ADIPOR2: variants seen among roughly 807,000 people sequenced by gnomAD.
ADIPOR2 encodes adiponectin receptor protein 2.
Under a neutral mutation model 40.9 loss-of-function variants are expected in ADIPOR2, and 18 were observed. The observed-to-expected ratio is 0.44, with a 90% CI of 0.30 to 0.65. The LOEUF is 0.65. Among genes scored for constraint, ADIPOR2 ranks in the 30% least tolerant of loss-of-function variants. ADIPOR2 has a pLI of 0.09. For synonymous variants in ADIPOR2, 165 were observed against 166.4 expected (o/e 0.99, Z 0.06); for missense variants, 283 against 479.2 (o/e 0.59, Z 3.82).
chr12:1,745,097 G>A (rs943919098), intron 1 of ADIPOR2, among the ~76,000 whole-genome samples: 2 of 152,144 alleles, frequency 1.3e-5, no homozygotes, highest in Non-Finnish European at 2.9e-5. Context: ...CATTTGAGAG[G>A]AATGAGCAGG....
At chr12:1,715,361 A>G (rs541603459) in intron 1 of ADIPOR2, among the ~76,000 whole-genome samples, 2 of 152,220 alleles carry the variant, frequency 1.3e-5, no homozygotes, top group Non-Finnish European at 2.9e-5. Flanking sequence ...ATAGTGCAGA[A>G]AAAAATGAGC....
chr12:1,745,268 TA>T (rs1255890128), intron 1 of ADIPOR2, among the ~76,000 whole-genome samples: 1 of 152,222 alleles, frequency 6.6e-6, no homozygotes, highest in Non-Finnish European at 1.5e-5. Context: ...ATCACACTGG[TA>T]AAGTCATGTT....
At position 1,787,786 on chromosome 12, in the gene ADIPOR2, CT is replaced by C. The variant is rs1862869253; in HGVS notation, c.*1715del. On this transcript the variant is annotated 3_prime_UTR_variant, in exon 8 of 8. Coordinates refer to ENST00000357103, the MANE Select transcript of ADIPOR2 (RefSeq NM_024551.3). ...CAATAGAGTTTTCTCAGTTATTTTC[CT>C]CCCTTGCCCTTGCAATCTCCAGCAA... The C allele has an allele frequency of 6.6e-6, 1 of 152,198 alleles. No individual in the cohort carries two copies. The highest frequency in any genetic ancestry group is 2.1e-4 in the South Asian group (1 of 4,826). The allele number at this position is 152,198 out of a possible 1,614,324, so 9.4% of individuals were successfully genotyped here. A position where few individuals can be genotyped will look rare whatever the true frequency, so the allele number is the denominator to read the frequency against.
Position 1,772,824 on chromosome 12 carries a change from T to C in ADIPOR2, c.172-18T>C, listed in dbSNP as rs1197580906. On this transcript the variant is annotated intron_variant, in intron 2 of 7. Coordinates refer to ENST00000357103, the MANE Select transcript of ADIPOR2 (RefSeq NM_024551.3). ...CTCCCAGTCTCTGTCCTTGACTGTT[T>C]CTGTGATTGCCTTGCAGAGCTCTGA... The C allele has an allele frequency of 2.1e-5, 34 of 1,597,794 alleles. No homozygotes were observed. The highest frequency in any genetic ancestry group is 2.8e-5 in the Non-Finnish European group (33 of 1,171,896).
At chr12:1,729,617 G>GTTTTTTTTTTTTTTTTTTTTTTTTTTTT (rs56921758) in intron 1 of ADIPOR2, among the ~76,000 whole-genome samples, 1 of 88,986 alleles carries the variant, frequency 1.1e-5, no homozygotes, top group Non-Finnish European at 2.2e-5. Flanking sequence ...TCAGCCAGTT[G>GTTTTTTTTTTTTTTTTTTTTTTTTTTTT]TTTTTTTTTT....
chr12:1,733,071 T>C (rs6489326), intron 1 of ADIPOR2, among the ~76,000 whole-genome samples: 73,670 of 151,948 alleles, frequency 0.48, 18,226 homozygotes, highest in Non-Finnish European at 0.55. Flanking sequence ...GCAGTTTATT[T>C]TGTGGCTTTC....
chr12:1,698,382 A>G (rs2094643630), intron 1 of ADIPOR2, among the ~76,000 whole-genome samples: 1 of 152,116 alleles, frequency 6.6e-6, no homozygotes, highest in South Asian at 2.1e-4. Context: ...GATGCACGCC[A>G]GGCTAATTTT....
At chr12:1,761,387 T>G in intron 2 of ADIPOR2, among the ~76,000 whole-genome samples, 1 of 152,204 alleles carries the variant, frequency 6.6e-6, no homozygotes, top group Non-Finnish European at 1.5e-5. Flanking sequence ...TCAGGAGGGA[T>G]TTTTCTGGGT....
At chr12:1,771,833 A>C (rs1029232549) in intron 2 of ADIPOR2, among the ~76,000 whole-genome samples, 2 of 152,224 alleles carry the variant, frequency 1.3e-5, no homozygotes, top group African/African-American at 4.8e-5. Flanking sequence ...CTGTTTATCT[A>C]AACAGACTCT....
intron 1 of ADIPOR2, among the ~76,000 whole-genome samples, chr12:1,725,010 A>G (rs566948627): frequency 1.3e-5 from 2 of 152,332 alleles, no homozygotes; most frequent in African/African-American, 4.8e-5. Flanking sequence ...CACAGTCCCA[A>G]GTGTCATTAT....
At chr12:1,739,111 C>G (rs943774193) in intron 1 of ADIPOR2, among the ~76,000 whole-genome samples, 13 of 152,144 alleles carry the variant, frequency 8.5e-5, no homozygotes, top group African/African-American at 3.1e-4. Flanking sequence ...AGTCAAAGAA[C>G]AGTAAAACAT....
At chr12:1,710,393 A>C (rs6489324) in intron 1 of ADIPOR2, among the ~76,000 whole-genome samples, 41,401 of 151,808 alleles carry the variant, frequency 0.27, 6,285 homozygotes, top group Admixed American at 0.44. Context: ...AGTTAGCGAG[A>C]CCACGAGCCC....
intron 1 of ADIPOR2, among the ~76,000 whole-genome samples, chr12:1,701,980 G>A (rs576437262): frequency 3.7e-4 from 56 of 152,246 alleles, no homozygotes; most frequent in African/African-American, 1.3e-3. Flanking sequence ...ACATTAGCTG[G>A]GCGGGGTGGC....
intron 3 of ADIPOR2, among the ~76,000 whole-genome samples, chr12:1,776,543 C>A (rs144271010): frequency 6.6e-6 from 1 of 152,240 alleles, no homozygotes; most frequent in African/African-American, 2.4e-5. Context: ...GCAAGTTAGT[C>A]AAGATTAAGT....
intron 1 of ADIPOR2, among the ~76,000 whole-genome samples, chr12:1,722,295 T>C (rs1458806724): frequency 6.6e-6 from 1 of 152,212 alleles, no homozygotes; most frequent in Non-Finnish European, 1.5e-5. Flanking sequence ...TGGTGCAGTT[T>C]ACTGAAATGG....
At chr12:1,748,354 T>C (rs1266962794) in intron 1 of ADIPOR2, among the ~76,000 whole-genome samples, 2 of 152,128 alleles carry the variant, frequency 1.3e-5, no homozygotes, top group South Asian at 2.1e-4. Context: ...GTTCACGCCA[T>C]TCTCCTGCCT....
intron 7 of ADIPOR2, among the ~76,000 whole-genome samples, chr12:1,784,368 C>CT (rs962142939): frequency 3.1e-4 from 47 of 152,334 alleles, no homozygotes; most frequent in African/African-American, 1.1e-3. Context: ...AAGCAGGAGA[C>CT]TAAGGCTTAG....
chr12:1,783,437 TTGCCCAAGCTGGGG>T (rs1176048442), intron 6 of ADIPOR2, among the ~76,000 whole-genome samples: 1 of 150,732 alleles, frequency 6.6e-6, no homozygotes, highest in Non-Finnish European at 1.5e-5. Context: ...TTCACTCCTG[TTGCCCAAGCTGGGG>T]TGCAATGGCG....
At chr12:1,752,850 G>C (rs1456040751) in intron 1 of ADIPOR2, among the ~76,000 whole-genome samples, 2 of 152,150 alleles carry the variant, frequency 1.3e-5, no homozygotes, top group Non-Finnish European at 2.9e-5. Context: ...TAATTAAATA[G>C]AAGCCATTAT....
Sources: gnomAD v4.1 joint callset for allele counts (sites outside exome capture counted in the v4.1 genomes callset) on GRCh38, gnomAD v4.1.1 for gene constraint, MANE v1.5 for transcripts, NCBI Gene and HGNC (gene_info 2026-07-23, HGNC 2026-07-21) for gene names.